The following CNTNAP2 variants were observed in gnomAD, a reference collection of about 807,000 sequenced individuals.
The protein encoded by CNTNAP2 is contactin associated protein 2, also known as contactin-associated protein-like 2.
In CNTNAP2, 98 loss-of-function variants were observed where a neutral mutation model predicts 155.2. That is an observed-to-expected ratio of 0.63 (90% CI 0.54 to 0.75). The LOEUF is 0.75. Among genes scored for constraint, CNTNAP2 ranks in the 30% least tolerant of loss-of-function variants. The probability of loss-of-function intolerance (pLI) is 0.00; values close to 1 mark genes in which losing one functional copy is unlikely to be tolerated. For synonymous variants in CNTNAP2, 651 were observed against 631.2 expected (o/e 1.03, Z -0.47); for missense variants, 1,727 against 1,688.1 (o/e 1.02, Z -0.40).
chr7:147,598,994 A>T (rs1037514318), intron 12 of CNTNAP2, among the ~76,000 whole-genome samples: 5 of 152,092 alleles, frequency 3.3e-5, no homozygotes, highest in Non-Finnish European at 7.4e-5. Flanking sequence ...CTCTTTCCTT[A>T]TAAATTACCC....
intron 1 of CNTNAP2, among the ~76,000 whole-genome samples, chr7:146,207,690 G>A (rs563702912): frequency 4.8e-5 from 7 of 144,432 alleles, no homozygotes; most frequent in African/African-American, 1.8e-4. Flanking sequence ...ATTTTTTGAG[G>A]CATGGTTATT....
intron 3 of CNTNAP2, among the ~76,000 whole-genome samples, chr7:146,951,001 T>C (rs777529986): frequency 2.6e-5 from 4 of 152,218 alleles, no homozygotes; most frequent in Non-Finnish European, 4.4e-5. Flanking sequence ...TGGCGTGAGA[T>C]GGTATCTCAT....
At chr7:146,787,639 A>C (rs1802597928) in intron 2 of CNTNAP2, among the ~76,000 whole-genome samples, 1 of 152,256 alleles carries the variant, frequency 6.6e-6, no homozygotes, top group South Asian at 2.1e-4. Context: ...GCGAAAGAAC[A>C]AACCTTCCCC....
At chr7:147,923,985 A>G (rs529410904) in intron 14 of CNTNAP2, among the ~76,000 whole-genome samples, 1 of 152,210 alleles carries the variant, frequency 6.6e-6, no homozygotes, top group Non-Finnish European at 1.5e-5. Flanking sequence ...GCATTCAGCA[A>G]TGCTGCCAGA....
chr7:148,108,485 A>C (rs1409165163), intron 15 of CNTNAP2, among the ~76,000 whole-genome samples: 1 of 152,180 alleles, frequency 6.6e-6, no homozygotes, highest in African/African-American at 2.4e-5. Flanking sequence ...TGAGGTTGAG[A>C]GGAGTAAACC....
chr7:147,821,361 C>T (rs909766228), intron 13 of CNTNAP2, among the ~76,000 whole-genome samples: 1 of 151,958 alleles, frequency 6.6e-6, no homozygotes, highest in Non-Finnish European at 1.5e-5. Context: ...TTTTACTTGA[C>T]AAATATTTAT....
chr7:148,104,523 T>C (rs1804169991), intron 15 of CNTNAP2, among the ~76,000 whole-genome samples: 1 of 152,224 alleles, frequency 6.6e-6, no homozygotes, highest in Non-Finnish European at 1.5e-5. Context: ...GGAGTGTAGC[T>C]AAATGCAGCT....
At chr7:148,396,620 G>GT (rs1799474013) in intron 22 of CNTNAP2, among the ~76,000 whole-genome samples, 2 of 152,116 alleles carry the variant, frequency 1.3e-5, no homozygotes, top group Non-Finnish European at 2.9e-5. Flanking sequence ...TCCTGATGAG[G>GT]TTTTTAACAC....
intron 4 of CNTNAP2, among the ~76,000 whole-genome samples, chr7:147,048,840 A>G (rs556087552): frequency 6.6e-6 from 1 of 152,220 alleles, no homozygotes; most frequent in Non-Finnish European, 1.5e-5. Flanking sequence ...TATAAAAGTT[A>G]TGTTTTAAGT....
In CNTNAP2 at chr7:146,484,647, G is replaced by GA. The variant is rs1235416913; in HGVS notation, c.98-289621dup. 3.3e-5 allele frequency among the ~76,000 whole-genome samples: 5 copies of GA among 152,114 alleles called. No homozygotes were observed. The East Asian group carries it at 9.7e-4, about 29-fold the overall frequency. ...CCGTATCAGAAAGAAAGAAAAGAAA[G>GA]AAAGAAAGAAAAAGAAGAAATACAT... On this transcript the variant is annotated intron_variant, in intron 1 of 23. Transcript: ENST00000361727.
rs549859903 is a variant in CNTNAP2, at chr7:146,491,151, G to A, written c.98-283120G>A. Among the ~76,000 whole-genome samples the A allele has an allele frequency of 7.9e-5, 12 of 152,210 alleles. No individual in the cohort carries two copies. In the East Asian group the frequency reaches 2.1e-3, roughly 27 times the overall value. ...CCCAAAGATGAGAAATTATAAGGCT[G>A]TTATATGAAAATAAAGTTTCCATGT... On this transcript the variant is annotated intron_variant, in intron 1 of 23. Coordinates refer to ENST00000361727, the MANE Select transcript of CNTNAP2 (RefSeq NM_014141.6).
chr7:147,487,997 C>T (rs1798539405), intron 11 of CNTNAP2, among the ~76,000 whole-genome samples: 1 of 152,080 alleles, frequency 6.6e-6, no homozygotes, highest in African/African-American at 2.4e-5. Flanking sequence ...CCAACGTGTG[C>T]ATAAATAGAG....
At chr7:147,409,790 A>G (rs1261824009) in intron 10 of CNTNAP2, among the ~76,000 whole-genome samples, 2 of 140,174 alleles carry the variant, frequency 1.4e-5, no homozygotes, top group Non-Finnish European at 3.1e-5. Context: ...AACCATCATG[A>G]AAAAAAAAAA....
At chr7:146,135,150 A>T (rs1351640964) in intron 1 of CNTNAP2, among the ~76,000 whole-genome samples, 3 of 152,180 alleles carry the variant, frequency 2.0e-5, no homozygotes, top group Admixed American at 6.6e-5. Flanking sequence ...CTTTGAATCT[A>T]TAATGAAAGA....
At chr7:146,810,517 T>C (rs1042918181) in intron 2 of CNTNAP2, among the ~76,000 whole-genome samples, 1 of 152,072 alleles carries the variant, frequency 6.6e-6, no homozygotes, top group Admixed American at 6.6e-5. Context: ...ACTTTACTGA[T>C]TTAGTTTTCT....
At chr7:147,903,448 A>T in intron 13 of CNTNAP2, 117 bp from the exon 14 acceptor site, 1 of 1,126,418 alleles carries the variant, frequency 8.9e-7, no homozygotes. Context: ...TTGACTTTTA[A>T]GAGGGTTGAG....
At chr7:147,943,409 G>A (rs758325519) in intron 14 of CNTNAP2, among the ~76,000 whole-genome samples, 1 of 152,032 alleles carries the variant, frequency 6.6e-6, no homozygotes, top group Non-Finnish European at 1.5e-5. Flanking sequence ...GTATTATGTG[G>A]TGTTGTTTTT....
At chr7:147,373,082 A>G in intron 9 of CNTNAP2, among the ~76,000 whole-genome samples, 1 of 152,174 alleles carries the variant, frequency 6.6e-6, no homozygotes, top group East Asian at 1.9e-4. Flanking sequence ...ACTCTATTCT[A>G]ACCCGTTATT....
chr7:146,795,094 G>A (rs1430551142), intron 2 of CNTNAP2, among the ~76,000 whole-genome samples: 1 of 152,064 alleles, frequency 6.6e-6, no homozygotes, highest in Admixed American at 6.6e-5. Context: ...CATAATGTAA[G>A]TATATGAATA....
Sources: allele counts gnomAD v4.1 joint callset (sites outside exome capture counted in the v4.1 genomes callset), GRCh38; gene constraint gnomAD v4.1.1; transcripts MANE v1.5; gene names NCBI Gene and HGNC (gene_info 2026-07-23, HGNC 2026-07-21).